DPP10: variants seen among roughly 807,000 people sequenced by gnomAD.
The protein encoded by DPP10 is dipeptidyl peptidase like 10, also known as inactive dipeptidyl peptidase 10.
In DPP10, 33 loss-of-function variants were observed where a neutral mutation model predicts 120.9. That is an observed-to-expected ratio of 0.27 (90% CI 0.21 to 0.37). The LOEUF is 0.37. Among genes scored for constraint, DPP10 ranks in the 10% least tolerant of loss-of-function variants. The pLI, the probability that DPP10 is intolerant of heterozygous loss-of-function variation, is 1.00. For synonymous variants in DPP10, 337 were observed against 326.1 expected, an observed-to-expected ratio of 1.03 and a Z score of -0.36; for missense variants, 816 against 942.8, an observed-to-expected ratio of 0.87 and a Z score of 1.76.
At chr2:114,893,944 C>T (rs1692757966) in intron 1 of DPP10, among the ~76,000 whole-genome samples, 1 of 152,136 alleles carries the variant, frequency 6.6e-6, no homozygotes, top group South Asian at 2.1e-4. Flanking sequence ...TTCCTGCCAC[C>T]TAAGAATCTT....
chr2:115,604,750 A>G (rs2083587875), intron 5 of DPP10, among the ~76,000 whole-genome samples: 1 of 152,024 alleles, frequency 6.6e-6, no homozygotes, highest in South Asian at 2.1e-4. Flanking sequence ...AGCCTTGCAT[A>G]CTTTTCATGA....
intron 1 of DPP10, among the ~76,000 whole-genome samples, chr2:115,274,799 CAT>C (rs923311764): frequency 2.7e-4 from 41 of 152,178 alleles, no homozygotes; most frequent in African/African-American, 9.4e-4. Flanking sequence ...TTAATAAGCA[CAT>C]AATTGGCTGC....
chr2:115,812,589 C>T lies in DPP10; in HGVS notation c.1701-2204C>T, dbSNP rs576966106. 1.1e-4 allele frequency among the ~76,000 whole-genome samples: 17 copies of T among 151,752 alleles called. No individual in the cohort carries two copies. In the South Asian group the frequency reaches 3.4e-3, roughly 30 times the overall value. The stretch of plus-strand genomic sequence containing the variant: ...AAATTTCAAATGATCTGATCAAGAG[C>T]CAAGGTTGCATAAATTAAAATACAT... On this transcript the variant is annotated intron_variant, in intron 19 of 25. Coordinates refer to ENST00000410059, the MANE Select transcript of DPP10 (RefSeq NM_020868.6).
intron 19 of DPP10, among the ~76,000 whole-genome samples, chr2:115,801,433 G>A (rs12465071): frequency 6.6e-6 from 1 of 151,886 alleles, no homozygotes; most frequent in African/African-American, 2.4e-5. Flanking sequence ...TTATTCCTTT[G>A]TCGTGCCTGA....
intron 1 of DPP10, among the ~76,000 whole-genome samples, chr2:115,232,756 T>A (rs2057799774): frequency 6.6e-6 from 1 of 152,244 alleles, no homozygotes; most frequent in East Asian, 1.9e-4. Context: ...TATTTTGAAC[T>A]CTTAATCTTT....
At chr2:115,520,312 C>T (rs1308304526) in intron 4 of DPP10, among the ~76,000 whole-genome samples, 1 of 151,956 alleles carries the variant, frequency 6.6e-6, no homozygotes, top group Non-Finnish European at 1.5e-5. Context: ...TGCGAGACTC[C>T]ATCAAAAAAC....
At chr2:115,683,670 T>C (rs1296622069) in intron 5 of DPP10, among the ~76,000 whole-genome samples, 1 of 151,854 alleles carries the variant, frequency 6.6e-6, no homozygotes. Flanking sequence ...AATGTGTCTA[T>C]TTTTAAAACA....
intron 1 of DPP10, among the ~76,000 whole-genome samples, chr2:114,676,471 T>C (rs1487961299): frequency 6.6e-6 from 1 of 152,112 alleles, no homozygotes; most frequent in Non-Finnish European, 1.5e-5. Flanking sequence ...TAATCAAACA[T>C]TGGCACATCG....
intron 3 of DPP10, among the ~76,000 whole-genome samples, chr2:115,354,757 G>A (rs2064261795): frequency 6.6e-6 from 1 of 151,282 alleles, no homozygotes; most frequent in Admixed American, 6.6e-5. Context: ...GTGTCCATAT[G>A]TTCTCATTGT....
intron 1 of DPP10, among the ~76,000 whole-genome samples, chr2:114,850,742 T>C (rs1688888297): frequency 6.6e-6 from 1 of 152,136 alleles, no homozygotes; most frequent in Admixed American, 6.5e-5. Flanking sequence ...AAAGGAACAA[T>C]GCACTGTGCT....
chr2:115,632,811 C>T (rs1187263899), intron 5 of DPP10, among the ~76,000 whole-genome samples: 1 of 152,040 alleles, frequency 6.6e-6, no homozygotes, highest in African/African-American at 2.4e-5. Context: ...ATTTATGCAG[C>T]CAAAAGACAC....
At chr2:115,714,011 T>G (rs1313490193) in intron 7 of DPP10, among the ~76,000 whole-genome samples, 1 of 152,220 alleles carries the variant, frequency 6.6e-6, no homozygotes, top group African/African-American at 2.4e-5. Context: ...AGACTGAATT[T>G]GGACTTTCCT....
intron 1 of DPP10, among the ~76,000 whole-genome samples, chr2:114,725,626 A>G (rs966915523): frequency 2.0e-5 from 3 of 152,172 alleles, no homozygotes; most frequent in African/African-American, 2.4e-5. Flanking sequence ...GAGCATTACT[A>G]TGTTCCAGAT....
At chr2:115,335,728 T>A (rs2063088242) in intron 2 of DPP10, among the ~76,000 whole-genome samples, 1 of 152,050 alleles carries the variant, frequency 6.6e-6, no homozygotes, top group African/African-American at 2.4e-5. Context: ...GTAGAAGTGA[T>A]GTTATTTCAA....
chr2:114,933,550 T>A (rs1019484011), intron 1 of DPP10, among the ~76,000 whole-genome samples: 2 of 152,208 alleles, frequency 1.3e-5, no homozygotes, highest in Admixed American at 1.3e-4. Flanking sequence ...CATTCACTAC[T>A]GGTCCTCTGA....
chr2:115,525,788 T>A (rs2078095493), intron 4 of DPP10, 110 bp from the exon 5 acceptor site: 3 of 720,656 alleles, frequency 4.2e-6, no homozygotes, highest in Non-Finnish European at 4.5e-6. Context: ...ATAAAAGAAA[T>A]GAGAATGCCA....
chr2:114,689,815 T>C (rs1373290125), intron 1 of DPP10, among the ~76,000 whole-genome samples: 1 of 152,126 alleles, frequency 6.6e-6, no homozygotes, highest in Non-Finnish European at 1.5e-5. Flanking sequence ...TGATTTGCGT[T>C]TCTCTAATGA....
intron 5 of DPP10, among the ~76,000 whole-genome samples, chr2:115,607,935 GT>G (rs2083811409): frequency 6.6e-6 from 1 of 152,122 alleles, no homozygotes; most frequent in Admixed American, 6.6e-5. Context: ...AATATCATAT[GT>G]TGTAACTATT....
intron 1 of DPP10, among the ~76,000 whole-genome samples, chr2:115,049,320 T>C (rs1377602173): frequency 6.6e-6 from 1 of 152,122 alleles, no homozygotes; most frequent in Non-Finnish European, 1.5e-5. Flanking sequence ...ATATTACTAT[T>C]ATACACGCCA....
Sources: allele counts gnomAD v4.1 joint callset (sites outside exome capture counted in the v4.1 genomes callset), GRCh38; gene constraint gnomAD v4.1.1; transcripts MANE v1.5; gene names NCBI Gene and HGNC (gene_info 2026-07-23, HGNC 2026-07-21).